LRP1B: variants seen among roughly 807,000 people sequenced by gnomAD.
LRP1B encodes the protein low-density lipoprotein receptor-related protein 1B.
A neutral mutation model predicts 556.6 loss-of-function variants in LRP1B; 217 were observed. The observed-to-expected ratio is 0.39, with a 90% confidence interval of 0.35 to 0.44. The LOEUF (loss-of-function observed/expected upper bound fraction) is 0.44, where lower values mean the gene tolerates loss of function less well. LRP1B is among the 20% of genes least tolerant of loss of function. The pLI is 1.00. For missense variants in LRP1B, 5,053 were observed against 5,620.8 expected (o/e 0.90, Z 3.23); for synonymous variants, 2,047 against 1,865.8 (o/e 1.10, Z -2.50).
intron 66 of LRP1B, among the ~76,000 whole-genome samples, chr2:140,388,228 T>A (rs1683852515): frequency 6.6e-6 from 1 of 152,044 alleles, no homozygotes; most frequent in Non-Finnish European, 1.5e-5. Flanking sequence ...TGAGCCACCA[T>A]GCCTGGCCTG....
At chr2:140,925,891 G>C (rs779012394) in intron 20 of LRP1B, among the ~76,000 whole-genome samples, 5 of 151,870 alleles carry the variant, frequency 3.3e-5, no homozygotes, top group Admixed American at 3.3e-4. Flanking sequence ...AATCTTTGAG[G>C]AGAGAGAGTA....
At chr2:140,274,301 C>A (rs1453042062) in intron 85 of LRP1B, 123 bp downstream of exon 85, 2 of 799,046 alleles carry the variant, frequency 2.5e-6, no homozygotes, top group South Asian at 1.7e-5. Context: ...ATAAAAACTG[C>A]AATGGGCACA....
chr2:141,810,153 G>C, intron 2 of LRP1B, 126 bp downstream of exon 2: 1 of 436,744 alleles, frequency 2.3e-6, no homozygotes, highest in Admixed American at 5.6e-5. Context: ...AAGAAAGAAA[G>C]AAAGAAAGAA....
rs114505057 is a variant in LRP1B at position 140,753,837 on chromosome 2, C to G, written c.5758+15376G>C. ...CCAACTTTTCTCGTACCCTCCAACTCTAAATTGCTGAGCCTAAACTTCTGT... is the reference window on the plus strand; with the variant it reads ...CCAACTTTTCTCGTACCCTCCAACTGTAAATTGCTGAGCCTAAACTTCTGT... On this transcript the variant is annotated intron_variant, in intron 35 of 90. Coordinates refer to ENST00000389484, the MANE Select transcript of LRP1B (RefSeq NM_018557.3). 5.5e-3 allele frequency among the ~76,000 whole-genome samples: 830 copies of G among 152,234 alleles called. 6 individuals are homozygous for G. The highest frequency in any genetic ancestry group is 9.5e-3 in the Non-Finnish European group (647 of 68,002).
At chr2:141,983,213 A>G (rs1559002380) in intron 1 of LRP1B, among the ~76,000 whole-genome samples, 1 of 152,050 alleles carries the variant, frequency 6.6e-6, no homozygotes, top group Non-Finnish European at 1.5e-5. Context: ...AAAATTTGGG[A>G]CGTATTTTTC....
intron 62 of LRP1B, among the ~76,000 whole-genome samples, chr2:140,455,158 A>G (rs1687044850): frequency 6.6e-6 from 1 of 152,128 alleles, no homozygotes; most frequent in Non-Finnish European, 1.5e-5. Flanking sequence ...TCAATTGCTA[A>G]TTTTATCTCT....
chr2:141,057,865 G>A (rs1699224434), intron 9 of LRP1B, among the ~76,000 whole-genome samples: 3 of 151,670 alleles, frequency 2.0e-5, no homozygotes, highest in African/African-American at 4.8e-5. Context: ...CTTTTCCATG[G>A]AACTTCTTCT....
intron 20 of LRP1B, among the ~76,000 whole-genome samples, chr2:140,926,668 T>C (rs536033332): frequency 2.0e-5 from 3 of 152,296 alleles, no homozygotes; most frequent in Non-Finnish European, 2.9e-5. Flanking sequence ...TAGGACTCAT[T>C]TGACTTTAAA....
intron 6 of LRP1B, among the ~76,000 whole-genome samples, chr2:141,203,885 A>C (rs914130170): frequency 4.6e-5 from 7 of 152,172 alleles, no homozygotes; most frequent in Non-Finnish European, 8.8e-5. Flanking sequence ...ACTCACTCAA[A>C]ACCACACAAC....
chr2:141,795,856 CAATATATATA>C, intron 2 of LRP1B, among the ~76,000 whole-genome samples: 1 of 18,986 alleles, frequency 5.3e-5, no homozygotes, highest in Admixed American at 7.5e-4. Flanking sequence ...AAACCAGGAG[CAATATATATA>C]TATATATATA....
intron 12 of LRP1B, among the ~76,000 whole-genome samples, chr2:141,017,367 T>C (rs922342089): frequency 2.0e-5 from 3 of 149,768 alleles, no homozygotes; most frequent in East Asian, 4.2e-4. Flanking sequence ...ATAACATTAA[T>C]ATTGCAGTTA....
intron 65 of LRP1B, among the ~76,000 whole-genome samples, chr2:140,443,205 C>T (rs1686505155): frequency 6.6e-6 from 1 of 152,112 alleles, no homozygotes; most frequent in South Asian, 2.1e-4. Context: ...GGATTATAGG[C>T]ACCTACCACT....
chr2:140,864,986 C>T (rs964856626), intron 27 of LRP1B, among the ~76,000 whole-genome samples: 8 of 151,962 alleles, frequency 5.3e-5, no homozygotes, highest in Non-Finnish European at 1.2e-4. Context: ...AGGATTTGAA[C>T]CCAGGCCATG....
At chr2:141,198,567 C>T (rs943045442) in intron 6 of LRP1B, among the ~76,000 whole-genome samples, 1 of 152,002 alleles carries the variant, frequency 6.6e-6, no homozygotes, top group Admixed American at 6.6e-5. Flanking sequence ...GGTATCTGTG[C>T]GGGGTCTTGG....
At chr2:141,125,958 CT>C (rs1302412270) in intron 7 of LRP1B, among the ~76,000 whole-genome samples, 11 of 151,360 alleles carry the variant, frequency 7.3e-5, no homozygotes, top group Non-Finnish European at 8.8e-5. Flanking sequence ...AGCTCTTCTG[CT>C]TTCCCTTAAA....
chr2:141,942,178 C>T (rs1041907892), intron 1 of LRP1B, among the ~76,000 whole-genome samples: 6 of 152,044 alleles, frequency 3.9e-5, no homozygotes, highest in African/African-American at 1.4e-4. Flanking sequence ...GCATTGTTCT[C>T]TCCTCAACCA....
chr2:140,972,718 C>CAATAGTTTA (rs1553439787), intron 18 of LRP1B, among the ~76,000 whole-genome samples: 2 of 151,000 alleles, frequency 1.3e-5, no homozygotes, highest in African/African-American at 4.9e-5. Context: ...CTTGTTAAAA[C>CAATAGTTTA]AATAGTTTGT....
At chr2:141,581,945 T>A (rs1169197513) in intron 2 of LRP1B, among the ~76,000 whole-genome samples, 1 of 152,218 alleles carries the variant, frequency 6.6e-6, no homozygotes, top group African/African-American at 2.4e-5. Flanking sequence ...CAAGGATGGC[T>A]CAAGTTTTAA....
At chr2:140,234,643 AG>A (rs1312210080) in intron 90 of LRP1B, 142 bp downstream of exon 90, 1 of 581,030 alleles carries the variant, frequency 1.7e-6, no homozygotes, top group Non-Finnish European at 3.1e-6. Flanking sequence ...ACATAACATA[AG>A]CCCCCAATTT....
Sources: allele counts gnomAD v4.1 joint callset (sites outside exome capture counted in the v4.1 genomes callset), GRCh38; gene constraint gnomAD v4.1.1; transcripts MANE v1.5; gene names NCBI Gene and HGNC (gene_info 2026-07-23, HGNC 2026-07-21).